Variants in MIOS observed in about 807,000 individuals in gnomAD.
The protein encoded by MIOS is meiosis regulator for oocyte development, also known as GATOR2 complex protein MIOS.
In MIOS, 52 loss-of-function variants were observed where a neutral mutation model predicts 96.9. The ratio of observed to expected loss-of-function variants is 0.54; its 90% CI spans 0.43 to 0.68. The LOEUF is 0.68. MIOS is among the 30% of genes least tolerant of loss of function. MIOS has a pLI of 0.00. For synonymous variants in MIOS, 397 were observed against 359.5 expected (o/e 1.10, Z -1.18); for missense variants, 1,005 against 1,052.8 (o/e 0.95, Z 0.63).
At chr7:7,568,655 G>T (rs898952096) in intron 3 of MIOS, among the ~76,000 whole-genome samples, 24 of 152,176 alleles carry the variant, frequency 1.6e-4, no homozygotes, top group Non-Finnish European at 1.9e-4. Flanking sequence ...ATTTTTAAAT[G>T]AGGGGCCCTG....
intron 11 of MIOS, among the ~76,000 whole-genome samples, chr7:7,604,681 A>G (rs1784476289): frequency 6.6e-6 from 1 of 152,216 alleles, no homozygotes; most frequent in Non-Finnish European, 1.5e-5. Context: ...AATTCACTAT[A>G]AATCTTTTAA....
chr7:7,573,958 G>A lies in MIOS; in HGVS notation c.1295-140G>A. 1.1e-6 allele frequency: 1 copy of A among 874,184 alleles called. No homozygotes were observed. Among genetic ancestry groups the A allele is most frequent in the Non-Finnish European group, 1.7e-6 (1 of 585,338 alleles). 54.2% of individuals were successfully genotyped at this position (874,184 alleles called of 1,614,324 possible). A position where few individuals can be genotyped will look rare whatever the true frequency, so the allele number is the denominator to read the frequency against. On this transcript the variant is annotated intron_variant, in intron 4 of 12. Coordinates refer to ENST00000340080, the MANE Select transcript of MIOS (RefSeq NM_019005.4). The surrounding 1 kb of genome is among the most constrained non-coding windows in gnomAD (Gnocchi z 5.0). ...TACTGCTTTGTAGATTGTGTAGGAG[G>A]AAGAAAAGTGTATCTCTGCAATAGA...
At chr7:7,605,061 C>G (rs1264162627) in intron 11 of MIOS, 1 of 152,038 alleles carries the variant, frequency 6.6e-6, no homozygotes, top group African/African-American at 2.4e-5. Flanking sequence ...AAACTATTCC[C>G]GACTGCAAGA....
At chr7:7,585,891 G>T (rs1049430969) in intron 7 of MIOS, 86 bp downstream of exon 7, 20 of 1,203,620 alleles carry the variant, frequency 1.7e-5, no homozygotes, top group Non-Finnish European at 2.1e-5. Flanking sequence ...AATGTCTGTT[G>T]CATAAAATAT....
chr7:7,586,459 G>A (rs1401235525), intron 7 of MIOS, among the ~76,000 whole-genome samples: 1 of 152,122 alleles, frequency 6.6e-6, no homozygotes, highest in Non-Finnish European at 1.5e-5. Flanking sequence ...TAGCTATTGG[G>A]TTTTAAGCTA....
chr7:7,581,511 C>T (rs10224056), intron 5 of MIOS, among the ~76,000 whole-genome samples: 1,890 of 152,142 alleles, frequency 0.012, 45 homozygotes, highest in African/African-American at 0.042. Flanking sequence ...TAGCTGGGTC[C>T]TCTGTTGAGA....
chr7:7,602,221 C>T (rs1390095248), intron 11 of MIOS, among the ~76,000 whole-genome samples: 1 of 152,106 alleles, frequency 6.6e-6, no homozygotes, highest in Non-Finnish European at 1.5e-5. Context: ...AAGTTCTGGC[C>T]AGGGCAATCA....
At position 7,596,476 on chromosome 7, in the gene MIOS, T is replaced by A. The variant is rs1784206427; in HGVS notation, c.2401+15T>A. 6.2e-7 allele frequency: 1 copy of A among 1,600,684 alleles called. No homozygotes were observed. Among genetic ancestry groups the A allele is most frequent in the African/African-American group, 1.3e-5 (1 of 74,598 alleles). On this transcript the variant is annotated intron_variant, in intron 11 of 12. Coordinates refer to ENST00000340080, the MANE Select transcript of MIOS (RefSeq NM_019005.4). Reference sequence around the variant, plus strand: ...TAGCTGTCCTGGTATGACATAATTTTACAAAATACTTTTATGAACTGAAAT... The same window carrying A: ...TAGCTGTCCTGGTATGACATAATTTAACAAAATACTTTTATGAACTGAAAT...
intron 12 of MIOS, among the ~76,000 whole-genome samples, chr7:7,606,551 A>G (rs1182384678): frequency 2.0e-5 from 3 of 152,192 alleles, no homozygotes; most frequent in African/African-American, 4.8e-5. Flanking sequence ...TTGATACAGC[A>G]TTTATACCCA....
intron 5 of MIOS, among the ~76,000 whole-genome samples, chr7:7,582,449 A>G (rs1302575596): frequency 6.6e-6 from 1 of 152,236 alleles, no homozygotes; most frequent in Non-Finnish European, 1.5e-5. Flanking sequence ...CCTTGATTGC[A>G]GTATAAATAA....
At chr7:7,570,679 C>T (rs1378146027) in intron 3 of MIOS, among the ~76,000 whole-genome samples, 1 of 151,960 alleles carries the variant, frequency 6.6e-6, no homozygotes, top group African/African-American at 2.4e-5. Context: ...ATTAGATTCT[C>T]ACAAGGAATG....
chr7:7,582,825 T>C, intron 5 of MIOS: 1 of 278,670 alleles, frequency 3.6e-6, no homozygotes, highest in South Asian at 8.6e-5. Context: ...GGGTGGTGAG[T>C]TAGATAATAA....
chr7:7,589,432 A>G lies in MIOS; in HGVS notation c.1912A>G (p.Asn638Asp), dbSNP rs1200345186. The G allele has an allele frequency of 6.2e-7, 1 of 1,613,598 alleles. No homozygotes were observed. Residue 638 changes from asparagine to aspartate, a missense_variant, in exon 9 of 13, where the codon AAT (asparagine) becomes GAT (aspartate). By Grantham distance (23) the Asn-to-Asp change is conservative. Transcript: ENST00000340080. ...AAATAGATACATCGAAAAGTTGACC[A>G]ATGAAATGAAAGAGGCTGGAAATTT... ...QLNRYIEKLT[N>D]EMKEAGNLEG...
At chr7:7,586,412 G>A (rs1311934257) in intron 7 of MIOS, among the ~76,000 whole-genome samples, 1 of 152,044 alleles carries the variant, frequency 6.6e-6, no homozygotes, top group Non-Finnish European at 1.5e-5. Flanking sequence ...CACAAAACGG[G>A]GAAAGAAAGA....
At chr7:7,583,460 C>A in intron 6 of MIOS, 88 bp downstream of exon 6, 1 of 1,325,078 alleles carries the variant, frequency 7.5e-7, no homozygotes, top group Non-Finnish European at 1.0e-6. Flanking sequence ...TAATAATTTT[C>A]AAATATCTAA....
At chr7:7,584,664 G>T (rs1783828816) in intron 6 of MIOS, among the ~76,000 whole-genome samples, 1 of 151,856 alleles carries the variant, frequency 6.6e-6, no homozygotes, top group African/African-American at 2.4e-5. Context: ...ACATAAAGTG[G>T]GAAACACTGC....
At position 7,600,612 on chromosome 7, in the gene MIOS, A is replaced by G. The variant is rs558802495; in HGVS notation, c.2401+4151A>G. ...AAGAGACTTAGACTCCCACACAATA[A>G]TAATGGGAGACTTTAACACCCCACT... On this transcript the variant is annotated intron_variant, in intron 11 of 12. Coordinates refer to ENST00000340080, the MANE Select transcript of MIOS (RefSeq NM_019005.4). 3.3e-5 allele frequency among the ~76,000 whole-genome samples: 5 copies of G among 152,304 alleles called. No individual in the cohort carries two copies. The East Asian group carries it at 9.6e-4, about 29-fold the overall frequency.
intron 5 of MIOS, among the ~76,000 whole-genome samples, chr7:7,580,207 A>G (rs986124763): frequency 4.9e-4 from 74 of 152,318 alleles, no homozygotes; most frequent in African/African-American, 1.8e-3. Flanking sequence ...TGAATGTTTT[A>G]ATTTTTTTAA....
intron 9 of MIOS, among the ~76,000 whole-genome samples, chr7:7,591,984 AT>A (rs10715476): frequency 0.94 from 136,527 of 145,758 alleles, 64,069 homozygotes; most frequent in East Asian, 0.99. Flanking sequence ...AAATTGGTTA[AT>A]TTTTTTTTTT....
Sources: gnomAD v4.1 joint callset for allele counts (sites outside exome capture counted in the v4.1 genomes callset) on GRCh38, gnomAD v4.1.1 for gene constraint, Gnocchi (gnomAD v3.1) non-coding constraint, MANE v1.5 for transcripts, NCBI Gene and HGNC (gene_info 2026-07-23, HGNC 2026-07-21) for gene names.